Variants in LPP observed in about 807,000 individuals in gnomAD.
LPP encodes the protein LIM domain containing preferred translocation partner in lipoma, also known as lipoma-preferred partner.
In LPP, 38 loss-of-function variants were observed where a neutral mutation model predicts 60.4. The ratio of observed to expected loss-of-function variants is 0.63; its 90% CI spans 0.49 to 0.83. LPP has a LOEUF of 0.83. LPP is among the 40% of genes least tolerant of loss of function. The pLI is 0.00. For missense variants in LPP, 902 were observed against 783.6 expected (o/e 1.15, Z -1.80); for synonymous variants, 328 against 290.8 (o/e 1.13, Z -1.30).
At chr3:188,428,117 G>C (rs1449307930) in intron 4 of LPP, among the ~76,000 whole-genome samples, 1 of 152,128 alleles carries the variant, frequency 6.6e-6, no homozygotes, top group Non-Finnish European at 1.5e-5. Context: ...GGGCCAGAGT[G>C]CACCGTTTGT....
chr3:188,373,156 G>A (rs142537108), intron 3 of LPP, among the ~76,000 whole-genome samples: 5,779 of 152,128 alleles, frequency 0.038, 151 homozygotes, highest in Non-Finnish European at 0.061. Flanking sequence ...GAATAGTGCC[G>A]CTATAAACAT....
rs1300767282 is a variant in LPP, at chr3:188,881,134, C to G, written c.*6655C>G. ...CGGCCTGGGCGAAAGAGCGAGACTCCGTCTCAAAAAAAAAAAAAAAAAAAT... is the reference window on the plus strand; with the variant it reads ...CGGCCTGGGCGAAAGAGCGAGACTCGGTCTCAAAAAAAAAAAAAAAAAAAT... On this transcript the variant is annotated 3_prime_UTR_variant, in exon 12 of 12. Transcript: ENST00000617246. 4.2e-5 allele frequency: 1 copy of G among 23,970 alleles called. No individual in the cohort carries two copies. The highest frequency in any genetic ancestry group is 1.2e-4 in the Non-Finnish European group (1 of 8,260). 1.5% of individuals were successfully genotyped at this position (23,970 alleles called of 1,614,324 possible). A position where few individuals can be genotyped will look rare whatever the true frequency, so the allele number is the denominator to read the frequency against.
intron 7 of LPP, among the ~76,000 whole-genome samples, chr3:188,691,864 G>A (rs974808333): frequency 6.6e-6 from 1 of 152,154 alleles, no homozygotes; most frequent in Non-Finnish European, 1.5e-5. Flanking sequence ...TGGCTTTTAT[G>A]CTGGCTTTGT....
chr3:188,735,082 A>G (rs898062624), intron 8 of LPP, among the ~76,000 whole-genome samples: 9 of 152,138 alleles, frequency 5.9e-5, no homozygotes, highest in African/African-American at 1.9e-4. Context: ...TACCCAGAAC[A>G]TACTGTTGAC....
intron 6 of LPP, among the ~76,000 whole-genome samples, chr3:188,550,150 G>A (rs56137644): frequency 0.041 from 6,195 of 152,074 alleles, 235 homozygotes; most frequent in African/African-American, 0.098. Context: ...CCCCCTATTG[G>A]ACATCCCCCA....
intron 6 of LPP, among the ~76,000 whole-genome samples, chr3:188,565,436 A>G (rs1831901885): frequency 6.6e-6 from 1 of 151,986 alleles, no homozygotes; most frequent in African/African-American, 2.4e-5. Flanking sequence ...CTGTAGACCA[A>G]TGTTCCACTA....
At chr3:188,460,701 G>A (rs553518721) in intron 4 of LPP, among the ~76,000 whole-genome samples, 1 of 152,276 alleles carries the variant, frequency 6.6e-6, no homozygotes, top group African/African-American at 2.4e-5. Flanking sequence ...ATGGCAAAGT[G>A]TGGAAAACAA....
intron 2 of LPP, among the ~76,000 whole-genome samples, chr3:188,278,691 T>A (rs907107103): frequency 1.3e-5 from 2 of 152,136 alleles, no homozygotes; most frequent in Admixed American, 6.5e-5. Context: ...TAACCATGGC[T>A]CTATTATAAT....
At chr3:188,286,039 A>T (rs1038611335) in intron 2 of LPP, among the ~76,000 whole-genome samples, 12 of 152,010 alleles carry the variant, frequency 7.9e-5, no homozygotes, top group Non-Finnish European at 1.5e-4. Context: ...ACCCACTTAT[A>T]TGGAGGCGGA....
intron 9 of LPP, among the ~76,000 whole-genome samples, chr3:188,810,445 A>G (rs775785957): frequency 3.1e-4 from 47 of 151,502 alleles, no homozygotes; most frequent in Non-Finnish European, 4.9e-4. Flanking sequence ...TGTAGAGACT[A>G]TTGTCTCTCT....
In LPP at chr3:188,247,065, T is replaced by C. The variant is rs1023231315; in HGVS notation, c.-67+21538T>C. On this transcript the variant is annotated intron_variant, in intron 2 of 11. Transcript: ENST00000617246. Reference sequence around the variant, plus strand: ...TGACATGTTTGTGTGGAGACCTGTGTGTGACTGAGTTCAGATCACTCTAAT... The same window carrying C: ...TGACATGTTTGTGTGGAGACCTGTGCGTGACTGAGTTCAGATCACTCTAAT... The C allele has an allele frequency of 2.1e-5, 7 of 327,332 alleles. No individual in the cohort carries two copies. The Admixed American group carries it at 2.6e-4, about 12-fold the overall frequency. The allele number at this position is 327,332 out of a possible 1,614,324, so 20.3% of individuals were successfully genotyped here.
At chr3:188,540,371 C>A (rs1398712295) in intron 6 of LPP, among the ~76,000 whole-genome samples, 1 of 151,958 alleles carries the variant, frequency 6.6e-6, no homozygotes, top group African/African-American at 2.4e-5. Flanking sequence ...ATATACAACC[C>A]AATTATATGG....
Position 188,609,255 on chromosome 3 carries a change from C to G in LPP, c.524C>G (p.Thr175Ser), listed in dbSNP as rs756807153. The change falls in exon 7 of 12, where the codon ACC becomes AGC. Residue 175 changes from threonine (T) to serine (S), a missense_variant. Physicochemically the swap from Thr to Ser is moderately conservative, Grantham distance 58. Transcript: ENST00000617246. This position sits in a 1 kb window ranked among gnomAD's most constrained non-coding sequence, Gnocchi z 6.9. ...VIPNQPPLTA[T>S]KKSTLKPQPA... ...CCGAACCAACCCCCTCTAACAGCAACCAAGAAGTCTACATTGAAACCACAG... is the reference window on the plus strand; with the variant it reads ...CCGAACCAACCCCCTCTAACAGCAAGCAAGAAGTCTACATTGAAACCACAG... 27 of 1,613,956 alleles carry G rather than the reference C, an allele frequency of 1.7e-5. No homozygotes were observed. Among genetic ancestry groups the G allele is most frequent in the Non-Finnish European group, 2.3e-5 (27 of 1,180,016 alleles).
intron 9 of LPP, among the ~76,000 whole-genome samples, chr3:188,791,227 C>T (rs1163591816): frequency 6.6e-6 from 1 of 152,166 alleles, no homozygotes. Flanking sequence ...CACACTCACT[C>T]TGCGTTCTGT....
intron 3 of LPP, among the ~76,000 whole-genome samples, chr3:188,343,773 C>G (rs1378827700): frequency 6.6e-6 from 1 of 152,074 alleles, no homozygotes; most frequent in South Asian, 2.1e-4. Context: ...TCTCAAGTAA[C>G]CTTTGGGAGG....
intron 3 of LPP, among the ~76,000 whole-genome samples, chr3:188,371,092 ACTTTGCCTTC>A (rs1772924328): frequency 1.3e-5 from 2 of 152,036 alleles, no homozygotes; most frequent in African/African-American, 4.8e-5. Flanking sequence ...TCAATTTCCG[ACTTTGCCTTC>A]CTTCTCTGTA....
intron 4 of LPP, among the ~76,000 whole-genome samples, chr3:188,473,808 CAG>C (rs910909703): frequency 6.6e-6 from 1 of 152,148 alleles, no homozygotes; most frequent in African/African-American, 2.4e-5. Context: ...GGCTTATCAA[CAG>C]ATCTTTTATT....
intron 4 of LPP, among the ~76,000 whole-genome samples, chr3:188,421,850 T>A (rs1787892562): frequency 6.6e-6 from 1 of 152,058 alleles, no homozygotes; most frequent in Admixed American, 6.6e-5. Context: ...AAGGAACAAA[T>A]AAATTTATTT....
chr3:188,874,600 C>T lies in LPP; in HGVS notation c.*121C>T, dbSNP rs1025269510. On this transcript the variant is annotated 3_prime_UTR_variant, in exon 12 of 12. Transcript: ENST00000617246. ...TGTTCTTCATCTGCTATTAACCTTGCCTTAGAAACACATAAATTATGAGAT... is the reference window on the plus strand; with the variant it reads ...TGTTCTTCATCTGCTATTAACCTTGTCTTAGAAACACATAAATTATGAGAT... The T allele has an allele frequency of 9.9e-6, 11 of 1,115,348 alleles. No homozygotes were observed. In the East Asian group the frequency reaches 2.0e-4, roughly 20 times the overall value. The allele number at this position is 1,115,348 out of a possible 1,614,324, so 69.1% of individuals were successfully genotyped here.
Sources: gnomAD v4.1 joint callset for allele counts (sites outside exome capture counted in the v4.1 genomes callset) on GRCh38, gnomAD v4.1.1 for gene constraint, Gnocchi (gnomAD v3.1) non-coding constraint, MANE v1.5 for transcripts, NCBI Gene and HGNC (gene_info 2026-07-23, HGNC 2026-07-21) for gene names.